DIP2C: variants seen among roughly 807,000 people sequenced by gnomAD.
DIP2C encodes the protein disco-interacting protein 2 homolog C.
A neutral mutation model predicts 192.4 loss-of-function variants in DIP2C; 33 were observed. The ratio of observed to expected loss-of-function variants is 0.17; its 90% CI spans 0.13 to 0.23. DIP2C has a LOEUF of 0.23. DIP2C is among the 10% of genes least tolerant of loss of function. The pLI is 1.00. For missense variants in DIP2C, 1,537 were observed against 2,110.1 expected (o/e 0.73, Z 5.32); for synonymous variants, 979 against 864.1 (o/e 1.13, Z -2.33).
intron 7 of DIP2C, 48 bp from the exon 8 acceptor site, chr10:414,158 AGCATG>A (rs756078960): frequency 1.3e-6 from 2 of 1,552,552 alleles, no homozygotes; most frequent in East Asian, 4.5e-5. Context: ...CATCCACATT[AGCATG>A]GCTACTTTTT....
rs573921358 is a variant in DIP2C, at chr10:289,042, A to G, written c.3987-621T>C. On this transcript the variant is annotated intron_variant, in intron 32 of 36. Coordinates refer to ENST00000280886, the MANE Select transcript of DIP2C (RefSeq NM_014974.3). ...CCTCCCAGGTGCATTATTTATTTTG[A>G]GGCCTTCACTACTGGTTTTGCATTT... Among the ~76,000 whole-genome samples, 7 of 152,362 alleles carry G rather than the reference A, an allele frequency of 4.6e-5. No individual in the cohort carries two copies. In the South Asian group the frequency reaches 1.2e-3, roughly 27 times the overall value.
At chr10:654,604 G>A (rs927735389) in intron 1 of DIP2C, among the ~76,000 whole-genome samples, 9 of 152,132 alleles carry the variant, frequency 5.9e-5, no homozygotes, top group Non-Finnish European at 1.3e-4. Flanking sequence ...CTGCTTCACA[G>A]AACACTACCA....
Position 398,146 on chromosome 10 carries a change from C to G in DIP2C, c.1260+963G>C, listed in dbSNP as rs72772866. Reference sequence around the variant, plus strand: ...GGAAAATCTACATTCTGTAGACAATCTCCTTCCCTTTCCAGGTCCTTTTCC... The same window carrying G: ...GGAAAATCTACATTCTGTAGACAATGTCCTTCCCTTTCCAGGTCCTTTTCC... On this transcript the variant is annotated intron_variant, in intron 10 of 36. Coordinates refer to ENST00000280886, the MANE Select transcript of DIP2C (RefSeq NM_014974.3). Among the ~76,000 whole-genome samples the G allele has an allele frequency of 2.3e-3, 351 of 152,318 alleles. 2 individuals are homozygous for G. The highest frequency in any genetic ancestry group is 4.1e-3 in the Non-Finnish European group (281 of 68,020).
In DIP2C at chr10:685,135, CAAAAAAAAAAAAAAA is replaced by C. The variant is rs140709069; in HGVS notation, c.85+4344_85+4358del. Among the ~76,000 whole-genome samples the C allele has an allele frequency of 1.7e-3, 127 of 72,970 alleles. 3 individuals are homozygous for C. The highest frequency in any genetic ancestry group is 8.6e-3 in the African/African-American group (119 of 13,896). The allele number at this position is 72,970 out of a possible 152,430, so 47.9% of individuals were successfully genotyped here. A position where few individuals can be genotyped will look rare whatever the true frequency, so the allele number is the denominator to read the frequency against. ...GGCAACAAGAGTGAAACTTGGTCCC[CAAAAAAAAAAAAAAA>C]AAAAAAAAAAAATATATATATATAT... On this transcript the variant is annotated intron_variant, in intron 1 of 36. Transcript: ENST00000280886.
intron 1 of DIP2C, among the ~76,000 whole-genome samples, chr10:676,531 C>A (rs1830883608): frequency 6.6e-6 from 1 of 151,128 alleles, no homozygotes; most frequent in African/African-American, 2.4e-5. Flanking sequence ...CAGCAAAAAT[C>A]TCTTTGAACT....
At chr10:618,602 AAATAATG>A (rs1220352926) in intron 1 of DIP2C, among the ~76,000 whole-genome samples, 1 of 18,704 alleles carries the variant, frequency 5.3e-5, no homozygotes, top group Non-Finnish European at 1.1e-3. Flanking sequence ...CATGACTACT[AAATAATG>A]ATTTTTAGAC....
chr10:647,622 G>T (rs1855534100), intron 1 of DIP2C, among the ~76,000 whole-genome samples: 4 of 145,696 alleles, frequency 2.7e-5, no homozygotes, highest in South Asian at 2.3e-4. Context: ...CGTCGACATT[G>T]GATGGTGGGA....
At chr10:683,657 G>A (rs1017277803) in intron 1 of DIP2C, among the ~76,000 whole-genome samples, 5 of 152,128 alleles carry the variant, frequency 3.3e-5, no homozygotes, top group African/African-American at 1.2e-4. Context: ...CTTTTTTAAA[G>A]GCGTCTGAGT....
chr10:663,142 T>G (rs1564320426), intron 1 of DIP2C: 1 of 495,160 alleles, frequency 2.0e-6, no homozygotes, highest in African/African-American at 1.9e-5. Context: ...TACCTCAGCA[T>G]GGGTGAGTTT....
intron 15 of DIP2C, 116 bp from the exon 16 acceptor site, chr10:384,262 C>A: frequency 7.5e-7 from 1 of 1,331,048 alleles, no homozygotes; most frequent in African/African-American, 1.5e-5. Context: ...TCACCCAGCC[C>A]CCACAAACCT....
intron 18 of DIP2C, among the ~76,000 whole-genome samples, chr10:368,457 A>G (rs1960557539): frequency 6.6e-6 from 1 of 152,242 alleles, no homozygotes; most frequent in African/African-American, 2.4e-5. Context: ...AGAGGGCTGC[A>G]GGCAGAGGCA....
chr10:414,128 A>G lies in DIP2C; in HGVS notation c.860-18T>C. On this transcript the variant is annotated intron_variant, in intron 7 of 36. Coordinates refer to ENST00000280886, the MANE Select transcript of DIP2C (RefSeq NM_014974.3). Reference sequence around the variant, plus strand: ...TTGTTGAACTAAATCGTTTGAATACAAGAGGTTACAAGAGAAATGCATCCA... The same window carrying G: ...TTGTTGAACTAAATCGTTTGAATACGAGAGGTTACAAGAGAAATGCATCCA... The G allele has an allele frequency of 6.3e-7, 1 of 1,596,452 alleles. No individual in the cohort carries two copies. The highest frequency in any genetic ancestry group is 1.1e-5 in the South Asian group (1 of 89,628).
intron 1 of DIP2C, among the ~76,000 whole-genome samples, chr10:593,989 A>G (rs1680068264): frequency 6.6e-6 from 1 of 152,230 alleles, no homozygotes; most frequent in African/African-American, 2.4e-5. Flanking sequence ...CCACGGCGGA[A>G]CTGGCCGTGG....
intron 29 of DIP2C, among the ~76,000 whole-genome samples, chr10:332,690 T>G (rs1957557088): frequency 1.3e-5 from 2 of 152,230 alleles, no homozygotes; most frequent in Non-Finnish European, 2.9e-5. Flanking sequence ...ATAGACATTT[T>G]GGTAAGTAAT....
At chr10:367,511 A>T (rs1367766250) in intron 18 of DIP2C, among the ~76,000 whole-genome samples, 3 of 152,188 alleles carry the variant, frequency 2.0e-5, no homozygotes, top group Admixed American at 6.5e-5. Flanking sequence ...ACGGTGGGTA[A>T]GGAGTGGAGA....
At chr10:314,281 C>T (rs1313609431) in intron 31 of DIP2C, among the ~76,000 whole-genome samples, 2 of 152,184 alleles carry the variant, frequency 1.3e-5, no homozygotes, top group African/African-American at 2.4e-5. Context: ...CTGCCTTAAG[C>T]CCTGTAACAA....
intron 3 of DIP2C, among the ~76,000 whole-genome samples, chr10:465,926 G>A (rs1180426115): frequency 1.3e-5 from 2 of 152,104 alleles, no homozygotes; most frequent in Admixed American, 6.5e-5. Flanking sequence ...ATGCTCTTGG[G>A]TAGGAAGAAT....
chr10:514,730 G>A (rs1357204414), intron 1 of DIP2C, among the ~76,000 whole-genome samples: 4 of 151,880 alleles, frequency 2.6e-5, no homozygotes, highest in Admixed American at 1.3e-4. Flanking sequence ...TGCTCCCTGC[G>A]TCCGGCTTGG....
chr10:650,951 C>A (rs1167187070), intron 1 of DIP2C: 6 of 717,366 alleles, frequency 8.4e-6, no homozygotes, highest in African/African-American at 1.7e-5. Flanking sequence ...ACAGCTCTGG[C>A]TGTTTCTCTT....
Sources: gnomAD v4.1 joint callset for allele counts (sites outside exome capture counted in the v4.1 genomes callset) on GRCh38, gnomAD v4.1.1 for gene constraint, MANE v1.5 for transcripts, NCBI Gene and HGNC (gene_info 2026-07-23, HGNC 2026-07-21) for gene names.